Variants in HIPK2 observed in about 807,000 individuals in gnomAD.
The protein encoded by HIPK2 is homeodomain interacting protein kinase 2.
A neutral mutation model predicts 113.7 loss-of-function variants in HIPK2; 27 were observed. The observed-to-expected ratio is 0.24, with a 90% confidence interval of 0.17 to 0.33. The LOEUF is 0.33. HIPK2 is among the 10% of genes least tolerant of loss of function. HIPK2 has a pLI of 1.00. For synonymous variants in HIPK2, 631 were observed against 642.2 expected (o/e 0.98, Z 0.26); for missense variants, 1,257 against 1,588.0 (o/e 0.79, Z 3.54).
Position 139,630,961 on chromosome 7 carries a change from T to C in HIPK2, c.1347+204A>G, listed in dbSNP as rs1277889692. 1 of 210,080 alleles carries C rather than the reference T, an allele frequency of 4.8e-6. No individual in the cohort carries two copies. The highest frequency in any genetic ancestry group is 8.3e-6 in the Non-Finnish European group (1 of 121,112). The allele number at this position is 210,080 out of a possible 1,614,324, so 13.0% of individuals were successfully genotyped here. On this transcript the variant is annotated intron_variant, in intron 4 of 14. Coordinates refer to ENST00000406875, the MANE Select transcript of HIPK2 (RefSeq NM_022740.5). The surrounding 1 kb of genome is among the most constrained non-coding windows in gnomAD (Gnocchi z 4.0). The stretch of plus-strand genomic sequence containing the variant: ...TTAAATCCTGGGAGTTCAGCAATCA[T>C]AAGGTTGGACTCTCACAGGCGGCGA...
intron 12 of HIPK2, among the ~76,000 whole-genome samples, chr7:139,586,808 A>T (rs1001892487): frequency 3.3e-5 from 5 of 152,164 alleles, no homozygotes; most frequent in African/African-American, 1.2e-4. Context: ...AACCTCGAAA[A>T]TATTAAATGA....
Position 139,639,681 on chromosome 7 carries a change from C to T in HIPK2, c.1104-7956G>A, listed in dbSNP as rs116970922. ...GGTGGCTACCACACACAGAGCAGCG[C>T]AAGTCCCCCAACCCCCATGTCACTG... On this transcript the variant is annotated intron_variant, in intron 2 of 14. Transcript: ENST00000406875. 5.1e-3 allele frequency among the ~76,000 whole-genome samples: 771 copies of T among 152,292 alleles called. 22 individuals are homozygous for T. The highest frequency in any genetic ancestry group is 0.044 in the East Asian group (230 of 5,180).
intron 7 of HIPK2, among the ~76,000 whole-genome samples, chr7:139,618,243 T>C (rs1246838143): frequency 6.6e-6 from 1 of 152,234 alleles, no homozygotes; most frequent in Admixed American, 6.5e-5. Context: ...TAATAAGTGT[T>C]AGCTATTAGT....
chr7:139,582,674 A>G (rs1358366848), intron 13 of HIPK2, among the ~76,000 whole-genome samples: 1 of 152,250 alleles, frequency 6.6e-6, no homozygotes, highest in Admixed American at 6.5e-5. Flanking sequence ...GTTAGGAAGT[A>G]GGTGGCGGGG....
chr7:139,777,560 C>T (rs1796801856), intron 1 of HIPK2, 45 bp downstream of exon 1: 3 of 937,108 alleles, frequency 3.2e-6, no homozygotes, highest in South Asian at 4.9e-5. Flanking sequence ...GCGGGGGCCG[C>T]GGAGGGCGGC....
Position 139,689,561 on chromosome 7 carries a change from G to T in HIPK2, c.1103+26371C>A, listed in dbSNP as rs117039693. ...CATCTTCCTGTCTCAGTTACCTTAT[G>T]TCTGTTGATGGTGAAGAATACTGGG... On this transcript the variant is annotated intron_variant, in intron 2 of 14. Transcript: ENST00000406875. Among the ~76,000 whole-genome samples, 16 of 152,164 alleles carry T rather than the reference G, an allele frequency of 1.1e-4. No individual in the cohort carries two copies. In the East Asian group the frequency reaches 3.1e-3, roughly 29 times the overall value.
At chr7:139,656,757 C>T (rs1042057002) in intron 2 of HIPK2, among the ~76,000 whole-genome samples, 2 of 152,208 alleles carry the variant, frequency 1.3e-5, no homozygotes, top group Admixed American at 6.5e-5. Flanking sequence ...GTCATTTGTG[C>T]ACACCGCAAT....
At chr7:139,618,456 C>T (rs1800130157) in intron 7 of HIPK2, among the ~76,000 whole-genome samples, 1 of 152,178 alleles carries the variant, frequency 6.6e-6, no homozygotes, top group Admixed American at 6.5e-5. Flanking sequence ...GACTCTGGCC[C>T]AAGCATCACA....
rs1346648193 is a variant in HIPK2, at chr7:139,562,006, T to C, written c.*10921A>G. 1 of 152,208 alleles carries C rather than the reference T, an allele frequency of 6.6e-6. No homozygotes were observed. Among genetic ancestry groups the C allele is most frequent in the Non-Finnish European group, 1.5e-5 (1 of 68,026 alleles). The allele number at this position is 152,208 out of a possible 1,614,324, so 9.4% of individuals were successfully genotyped here. ...TAAGAATTAGTTTTCTTGTAAAACA[T>C]TCTAAAGCCAAGTAAAATATCCATT... On this transcript the variant is annotated 3_prime_UTR_variant, in exon 15 of 15. Transcript: ENST00000406875.
intron 1 of HIPK2, among the ~76,000 whole-genome samples, chr7:139,772,795 C>T (rs1401097569): frequency 6.6e-6 from 1 of 151,190 alleles, no homozygotes; most frequent in Non-Finnish European, 1.5e-5. Flanking sequence ...GGGGTTTCGC[C>T]ATGTTAGCCA....
intron 2 of HIPK2, among the ~76,000 whole-genome samples, chr7:139,690,303 G>A (rs1250895809): frequency 1.3e-5 from 2 of 152,140 alleles, no homozygotes; most frequent in Admixed American, 6.5e-5. Context: ...GAGGGCAGAG[G>A]GCCAAGAAGA....
rs547460978 is a variant in HIPK2, at chr7:139,596,826, G to A, written c.2608C>T (p.Arg870Trp). 91 of 1,613,952 alleles carry A rather than the reference G, an allele frequency of 5.6e-5. 1 individual carries two copies. The highest frequency in any genetic ancestry group is 1.0e-4 in the Admixed American group (6 of 60,024). Reference protein sequence around the residue: ...GDVASSTTRERQRQTIVIPDT... With the variant: ...GDVASSTTREWQRQTIVIPDT... ...GGAATGACAATTGTCTGCCGCTGCCGTTCCCGGGTGGTGCTGGAGGCCACG... is the reference window on the plus strand; with the variant it reads ...GGAATGACAATTGTCTGCCGCTGCCATTCCCGGGTGGTGCTGGAGGCCACG... The change falls in exon 12 of 15, where the codon CGG (arginine) becomes TGG (tryptophan). Residue 870 changes from arginine to tryptophan, a missense_variant. Arg to Trp is a moderately radical substitution (Grantham distance 101). Coordinates refer to ENST00000406875, the MANE Select transcript of HIPK2 (RefSeq NM_022740.5).
rs1371158839 is a variant in HIPK2 at position 139,613,718 on chromosome 7, C to T, written c.1991-395G>A. 6.6e-6 allele frequency among the ~76,000 whole-genome samples: 1 copy of T among 152,146 alleles called. No individual in the cohort carries two copies. Among genetic ancestry groups the T allele is most frequent in the Non-Finnish European group, 1.5e-5 (1 of 68,026 alleles). ...GCATTGACTGTAACCACACAGTTTACACCATGAGGCTTGCAAAAATAAATT... is the reference window on the plus strand; with the variant it reads ...GCATTGACTGTAACCACACAGTTTATACCATGAGGCTTGCAAAAATAAATT... On this transcript the variant is annotated intron_variant, in intron 8 of 14. Transcript: ENST00000406875. This position sits in a 1 kb window ranked among gnomAD's most constrained non-coding sequence, Gnocchi z 4.2.
At chr7:139,725,598 TACTC>T (rs776164086) in intron 1 of HIPK2, among the ~76,000 whole-genome samples, 32 of 152,244 alleles carry the variant, frequency 2.1e-4, no homozygotes, top group Non-Finnish European at 4.0e-4. Context: ...AATTTCTAAA[TACTC>T]AGAGAGCTGG....
chr7:139,575,254 G>A lies in HIPK2; in HGVS notation c.3000C>T (p.Ser1000=), dbSNP rs745606088. 6.3e-7 allele frequency: 1 copy of A among 1,576,708 alleles called. No individual in the cohort carries two copies. The highest frequency in any genetic ancestry group is 8.6e-7 in the Non-Finnish European group (1 of 1,161,160). ...TGGAGGTCACGTTGCTGGAGGACTT[G>A]GACTTGTAGGAGGACGAGTGGTGAC... ...NTSHHSSSYK[S]KSSSNVTSTS... Residue 1000 remains serine (S), a synonymous_variant, in exon 14 of 15, where the codon TCC becomes TCT. Coordinates refer to ENST00000406875, the MANE Select transcript of HIPK2 (RefSeq NM_022740.5).
In HIPK2 at chr7:139,716,437, C is replaced by T; in HGVS notation, c.598G>A (p.Glu200Lys). 1.2e-6 allele frequency: 2 copies of T among 1,613,988 alleles called. No homozygotes were observed. Among genetic ancestry groups the T allele is most frequent in the Non-Finnish European group, 1.7e-6 (2 of 1,179,890 alleles). Reference protein sequence around the residue: ...EVLCSMTNTYEVLEFLGRGTF... With the variant: ...EVLCSMTNTYKVLEFLGRGTF... The stretch of plus-strand genomic sequence containing the variant: ...CCTCGGCCCAAGAACTCTAAGACCT[C>T]GTAGGTGTTGGTCATGGAGCACAGC... Residue 200 changes from glutamate (E) to lysine (K), a missense_variant, in exon 2 of 15, where the codon GAG becomes AAG. Transcript: ENST00000406875. The surrounding 1 kb of genome is among the most constrained non-coding windows in gnomAD (Gnocchi z 9.3).
Position 139,680,294 on chromosome 7 carries a change from G to A in HIPK2, c.1103+35638C>T, listed in dbSNP as rs148294483. 1.1e-4 allele frequency among the ~76,000 whole-genome samples: 16 copies of A among 152,296 alleles called. No individual in the cohort carries two copies. In the East Asian group the frequency reaches 2.5e-3, roughly 24 times the overall value. ...CCACATGGAATCACGATTCAGTCAC[G>A]ATTAACACCCTCCCCACAGCGTGGC... On this transcript the variant is annotated intron_variant, in intron 2 of 14. Transcript: ENST00000406875.
rs750726446 is a variant in HIPK2 at position 139,600,478 on chromosome 7, G to C, written c.2374C>G (p.Arg792Gly). 6.2e-7 allele frequency: 1 copy of C among 1,613,982 alleles called. No individual in the cohort carries two copies. Among genetic ancestry groups the C allele is most frequent in the Non-Finnish European group, 8.5e-7 (1 of 1,179,884 alleles). The change falls in exon 11 of 15, where the codon CGG becomes GGG. Residue 792 changes from arginine (R) to glycine (G), a missense_variant. Around this residue, in one of 5 missense-constraint regions of HIPK2, gnomAD observed 862 missense variants for 1,004.3 expected, o/e 0.86. Transcript: ENST00000406875. ...PLNVGVAHVM[R>G]QQPTSTTSSR... ...GAGGTGGTGCTGGTTGGCTGCTGCC[G>C]CATCACGTGGGCCACACCCACATTT...
Position 139,572,894 on chromosome 7 carries a change from T to TG in HIPK2, c.*32_*33insC. Reference sequence around the variant, plus strand: ...CTCCCTCCTCCCTCGGGCCATTCTCTCCCTCCCTCCCTCCCTCCCTCCCCT... The same window carrying TG: ...CTCCCTCCTCCCTCGGGCCATTCTCTGCCCTCCCTCCCTCCCTCCCTCCCCT... On this transcript the variant is annotated 3_prime_UTR_variant, in exon 15 of 15. Coordinates refer to ENST00000406875, the MANE Select transcript of HIPK2 (RefSeq NM_022740.5). 1.4e-5 allele frequency: 8 copies of TG among 554,274 alleles called. No individual in the cohort carries two copies. The highest frequency in any genetic ancestry group is 2.0e-5 in the Non-Finnish European group (6 of 302,508). 34.3% of individuals were successfully genotyped at this position (554,274 alleles called of 1,614,324 possible). A position where few individuals can be genotyped will look rare whatever the true frequency, so the allele number is the denominator to read the frequency against.
Sources: gnomAD v4.1 joint callset for allele counts (sites outside exome capture counted in the v4.1 genomes callset) on GRCh38, gnomAD v4.1.1 for gene constraint, gnomAD v4.1.1 regional missense constraint, Gnocchi (gnomAD v3.1) non-coding constraint, MANE v1.5 for transcripts, NCBI Gene and HGNC (gene_info 2026-07-23, HGNC 2026-07-21) for gene names.